FSTL4: variants seen among roughly 807,000 people sequenced by gnomAD.
The protein encoded by FSTL4 is follistatin-related protein 4.
A neutral mutation model predicts 78.2 loss-of-function variants in FSTL4; 28 were observed. The ratio of observed to expected loss-of-function variants is 0.36; its 90% CI spans 0.27 to 0.49. The LOEUF (loss-of-function observed/expected upper bound fraction) is 0.49. Ranked by LOEUF, FSTL4 falls within the 20% of genes least tolerant of loss-of-function variation. The pLI is 0.98. For synonymous variants in FSTL4, 422 were observed against 440.5 expected (o/e 0.96, Z 0.53); for missense variants, 922 against 1,084.9 (o/e 0.85, Z 2.11).
intron 7 of FSTL4, among the ~76,000 whole-genome samples, chr5:133,238,897 G>A (rs1308271581): frequency 6.6e-6 from 1 of 152,222 alleles, no homozygotes; most frequent in Non-Finnish European, 1.5e-5. Flanking sequence ...GGCCATGCTT[G>A]AGGAGCCCTT....
At chr5:133,364,851 T>C (rs1755149633) in intron 4 of FSTL4, among the ~76,000 whole-genome samples, 6 of 152,216 alleles carry the variant, frequency 3.9e-5, no homozygotes, top group Admixed American at 3.9e-4. Context: ...TTTCTCCCTT[T>C]CAGATTCTAG....
At chr5:133,561,668 G>A (rs1759916781) in intron 3 of FSTL4, among the ~76,000 whole-genome samples, 1 of 152,174 alleles carries the variant, frequency 6.6e-6, no homozygotes, top group African/African-American at 2.4e-5. Flanking sequence ...CAGCTTCATA[G>A]GCCTTTCAGG....
intron 8 of FSTL4, among the ~76,000 whole-genome samples, chr5:133,226,193 T>A (rs776699294): frequency 6.6e-6 from 1 of 152,182 alleles, no homozygotes; most frequent in Non-Finnish European, 1.5e-5. Flanking sequence ...CAGAAAGCCA[T>A]TGGATAGGGG....
intron 3 of FSTL4, among the ~76,000 whole-genome samples, chr5:133,456,715 A>G (rs2127015104): frequency 6.6e-6 from 1 of 152,280 alleles, no homozygotes; most frequent in Admixed American, 6.5e-5. Context: ...AAACAAAACA[A>G]AACAAAAAAC....
intron 1 of FSTL4, 72 bp from the exon 2 acceptor site, chr5:133,604,065 A>G: frequency 9.0e-7 from 1 of 1,106,944 alleles, no homozygotes. Flanking sequence ...GTGAGTTAGT[A>G]TGTGTTCCCC....
At chr5:133,331,804 G>A (rs1425343617) in intron 4 of FSTL4, among the ~76,000 whole-genome samples, 1 of 152,140 alleles carries the variant, frequency 6.6e-6, no homozygotes, top group Non-Finnish European at 1.5e-5. Flanking sequence ...GGAGATCTTT[G>A]GAGTATTTCC....
chr5:133,436,429 A>G (rs1346813117), intron 3 of FSTL4, among the ~76,000 whole-genome samples: 4 of 152,154 alleles, frequency 2.6e-5, no homozygotes, highest in African/African-American at 9.7e-5. Flanking sequence ...CATGGAGAAC[A>G]AAGAGAACAT....
chr5:133,726,330 G>A, the FSTL4 span, among the ~76,000 whole-genome samples: 1 of 152,124 alleles, frequency 6.6e-6, no homozygotes, highest in Non-Finnish European at 1.5e-5. Flanking sequence ...ATCCAGAGAC[G>A]CCATCGACTC....
the FSTL4 span, among the ~76,000 whole-genome samples, chr5:133,645,431 A>G: frequency 6.6e-6 from 1 of 152,138 alleles, no homozygotes; most frequent in East Asian, 1.9e-4. Flanking sequence ...GGCATTTCTA[A>G]TCAAGGGTAA....
chr5:133,765,680 G>A, the FSTL4 span, among the ~76,000 whole-genome samples: 2 of 152,214 alleles, frequency 1.3e-5, no homozygotes, highest in Non-Finnish European at 2.9e-5. Context: ...GCCGAGCACA[G>A]TGGAAGAGGG....
chr5:133,418,423 A>G (rs541294302), intron 3 of FSTL4, among the ~76,000 whole-genome samples: 1 of 152,318 alleles, frequency 6.6e-6, no homozygotes, highest in African/African-American at 2.4e-5. Flanking sequence ...GTCTCAATAT[A>G]TCTAAGATGT....
the FSTL4 span, among the ~76,000 whole-genome samples, chr5:133,806,155 T>C: frequency 6.6e-6 from 1 of 152,212 alleles, no homozygotes; most frequent in African/African-American, 2.4e-5. Flanking sequence ...GTTGAAATGC[T>C]GCGAGGGTAG....
At chr5:133,216,088 G>A (rs540715338) in intron 13 of FSTL4, among the ~76,000 whole-genome samples, 24 of 152,130 alleles carry the variant, frequency 1.6e-4, no homozygotes, top group Admixed American at 1.6e-3. Context: ...ATTGTAAATG[G>A]TATCACCCTT....
the FSTL4 span, among the ~76,000 whole-genome samples, chr5:133,637,674 T>C: frequency 6.6e-6 from 1 of 152,118 alleles, no homozygotes; most frequent in Non-Finnish European, 1.5e-5. Context: ...TGGGATGCTC[T>C]GGGTCCTAGT....
rs749594217 is a variant in FSTL4, at chr5:133,233,517, G to A, written c.915C>T (p.Ser305=). Residue 305 remains serine, a synonymous_variant, in exon 8 of 16, where the codon TCC becomes TCT. Coordinates refer to ENST00000265342, the MANE Select transcript of FSTL4 (RefSeq NM_015082.2). ...EDINDFGEDD[S]LYITKVTTIH... Reference sequence around the variant, plus strand: ...TGGTGGTCACCTTGGTGATGTACAGGGAATCATCCTCTCCAAAGTCCTGCA... The same window carrying A: ...TGGTGGTCACCTTGGTGATGTACAGAGAATCATCCTCTCCAAAGTCCTGCA... 3.7e-6 allele frequency: 6 copies of A among 1,614,122 alleles called. No individual in the cohort carries two copies. The highest frequency in any genetic ancestry group is 5.1e-6 in the Non-Finnish European group (6 of 1,179,996).
At chr5:133,750,250 G>A in the FSTL4 span, among the ~76,000 whole-genome samples, 342 of 152,266 alleles carry the variant, frequency 2.2e-3, 2 homozygotes, top group African/African-American at 7.9e-3. Context: ...TACTATCTAC[G>A]AAATCCAGGG....
intron 3 of FSTL4, among the ~76,000 whole-genome samples, chr5:133,455,387 C>A (rs1757467383): frequency 6.6e-6 from 1 of 152,144 alleles, no homozygotes; most frequent in Non-Finnish European, 1.5e-5. Context: ...TGAATGAGAG[C>A]ATTTCTGGCA....
At chr5:133,505,739 C>G (rs181045650) in intron 3 of FSTL4, among the ~76,000 whole-genome samples, 6 of 152,350 alleles carry the variant, frequency 3.9e-5, no homozygotes, top group African/African-American at 1.4e-4. Flanking sequence ...AACTCTATCA[C>G]CTACGTGATA....
chr5:133,389,933 T>C (rs1366223417), intron 4 of FSTL4, among the ~76,000 whole-genome samples: 3 of 152,028 alleles, frequency 2.0e-5, no homozygotes, highest in South Asian at 2.1e-4. Context: ...TACAGGTGTA[T>C]TGGAGGAAAA....
Sources: allele counts gnomAD v4.1 joint callset (sites outside exome capture counted in the v4.1 genomes callset), GRCh38; gene constraint gnomAD v4.1.1; transcripts MANE v1.5; gene names NCBI Gene and HGNC (gene_info 2026-07-23, HGNC 2026-07-21).